The following PCDHA2 variants were observed in gnomAD, a reference collection of about 807,000 sequenced individuals.
PCDHA2 encodes protocadherin alpha-2.
A neutral mutation model predicts 66.0 loss-of-function variants in PCDHA2; 58 were observed. The observed-to-expected ratio is 0.88, with a 90% CI of 0.71 to 1.09. The LOEUF is 1.09. PCDHA2 is among the 50% of genes least tolerant of loss of function. The pLI is 0.00. For synonymous variants in PCDHA2, 634 were observed against 554.0 expected (o/e 1.14, Z -2.03); for missense variants, 1,267 against 1,242.3 (o/e 1.02, Z -0.30).
At position 140,796,758 on chromosome 5, in the gene PCDHA2, C is replaced by G; in HGVS notation, c.1794C>G (p.Asp598Glu). ...GHVVAKVRAVDADSGYNAWLS... is the reference protein window; with the variant it reads ...GHVVAKVRAVEADSGYNAWLS... ...TGGTGGCGAAGGTGCGCGCAGTGGACGCTGACTCAGGCTACAACGCGTGGC... is the reference window on the plus strand; with the variant it reads ...TGGTGGCGAAGGTGCGCGCAGTGGAGGCTGACTCAGGCTACAACGCGTGGC... The change falls in exon 1 of 4, where the codon GAC (aspartate) becomes GAG (glutamate). Residue 598 changes from aspartate (D) to glutamate (E), a missense_variant. Asp to Glu is a conservative substitution (Grantham distance 45). Coordinates refer to ENST00000526136, the MANE Select transcript of PCDHA2 (RefSeq NM_018905.3). The G allele has an allele frequency of 6.2e-7, 1 of 1,614,136 alleles. No homozygotes were observed. The highest frequency in any genetic ancestry group is 8.5e-7 in the Non-Finnish European group (1 of 1,179,970).
chr5:141,002,047 C>A (rs1449885583), intron 3 of PCDHA2, among the ~76,000 whole-genome samples: 2 of 152,202 alleles, frequency 1.3e-5, no homozygotes, highest in Non-Finnish European at 2.9e-5. Flanking sequence ...TCCTGGGCAT[C>A]CAGAGGCAGC....
rs2150353196 is a variant in PCDHA2 at position 140,843,120 on chromosome 5, A to G, written c.2388+45768A>G. The G allele has an allele frequency of 2.5e-6, 4 of 1,595,472 alleles. 1 individual carries two copies. Among genetic ancestry groups the G allele is most frequent in the Non-Finnish European group, 3.4e-6 (4 of 1,165,480 alleles). Reference sequence around the variant, plus strand: ...GCGAAGGTGCGCGCAGTGGACGCCGACTCGGGCTACAACGCGTGGCTTTCG... The same window carrying G: ...GCGAAGGTGCGCGCAGTGGACGCCGGCTCGGGCTACAACGCGTGGCTTTCG... On this transcript the variant is annotated intron_variant, in intron 1 of 3. Coordinates refer to ENST00000526136, the MANE Select transcript of PCDHA2 (RefSeq NM_018905.3).
At position 140,841,506 on chromosome 5, in the gene PCDHA2, G is replaced by C. The variant is rs2150316870; in HGVS notation, c.2388+44154G>C. ...CTGGAGCTGGCGGAGCTGGTGCCGC[G>C]CCTGTTCCGGGTGGCGTCCAAAAGA... On this transcript the variant is annotated intron_variant, in intron 1 of 3. Coordinates refer to ENST00000526136, the MANE Select transcript of PCDHA2 (RefSeq NM_018905.3). 4 of 1,613,388 alleles carry C rather than the reference G, an allele frequency of 2.5e-6. No homozygotes were observed. Among genetic ancestry groups the C allele is most frequent in the Admixed American group, 1.7e-5 (1 of 60,006 alleles).
chr5:140,925,048 C>A (rs574148178), intron 1 of PCDHA2, among the ~76,000 whole-genome samples: 1 of 150,658 alleles, frequency 6.6e-6, no homozygotes, highest in South Asian at 2.1e-4. Flanking sequence ...AAGTTTGAGA[C>A]CAGACTGGGC....
chr5:140,925,640 G>GAA (rs1554202829), intron 1 of PCDHA2, among the ~76,000 whole-genome samples: 1 of 75,086 alleles, frequency 1.3e-5, no homozygotes, highest in Non-Finnish European at 2.8e-5. Context: ...AGAACTTAAA[G>GAA]TATAATAATA....
chr5:140,818,904 A>G (rs1411699157), intron 1 of PCDHA2, among the ~76,000 whole-genome samples: 1 of 152,222 alleles, frequency 6.6e-6, no homozygotes, highest in Non-Finnish European at 1.5e-5. Flanking sequence ...ATTTAGCTTC[A>G]TTGTCCCTTT....
At position 140,915,045 on chromosome 5, in the gene PCDHA2, A is replaced by G. The variant is rs989835419; in HGVS notation, c.2389-63904A>G. 2.0e-5 allele frequency among the ~76,000 whole-genome samples: 3 copies of G among 151,216 alleles called. No homozygotes were observed. In the East Asian group the frequency reaches 5.8e-4, roughly 29 times the overall value. On this transcript the variant is annotated intron_variant, in intron 1 of 3. Transcript: ENST00000526136. ...ACTGCAACTTCTGCCTCCTGGGTTC[A>G]AGCGATTCTCCTGCCTTAGCCTACT...
chr5:141,010,096 A>G lies in PCDHA2; in HGVS notation c.*159A>G. The G allele has an allele frequency of 6.2e-7, 1 of 1,612,840 alleles. No individual in the cohort carries two copies. Among genetic ancestry groups the G allele is most frequent in the Non-Finnish European group, 8.5e-7 (1 of 1,179,378 alleles). ...CCTGTGTCTGTCTAGAACGCATTTA[A>G]CAGGTTTTGTCGTAAAAGCTTTACT... On this transcript the variant is annotated 3_prime_UTR_variant, in exon 4 of 4. Transcript: ENST00000526136.
chr5:140,916,747 G>A (rs1445361224), intron 1 of PCDHA2, among the ~76,000 whole-genome samples: 1 of 152,220 alleles, frequency 6.6e-6, no homozygotes, highest in Non-Finnish European at 1.5e-5. Context: ...TTCACTGCCT[G>A]GGATTAGGGG....
intron 1 of PCDHA2, among the ~76,000 whole-genome samples, chr5:140,978,103 A>G (rs2096789005): frequency 6.6e-6 from 1 of 152,106 alleles, no homozygotes; most frequent in South Asian, 2.1e-4. Flanking sequence ...AACTCCCCCA[A>G]CAGTCTTTAA....
chr5:140,954,209 T>C (rs2094996699), intron 1 of PCDHA2, among the ~76,000 whole-genome samples: 1 of 152,218 alleles, frequency 6.6e-6, no homozygotes, highest in Non-Finnish European at 1.5e-5. Context: ...GTTGATCCCA[T>C]GTTTTTGCTA....
At chr5:140,834,093 G>A (rs1772786951) in intron 1 of PCDHA2, among the ~76,000 whole-genome samples, 1 of 152,132 alleles carries the variant, frequency 6.6e-6, no homozygotes, top group Non-Finnish European at 1.5e-5. Flanking sequence ...TAACAACAAT[G>A]AAGAAAAAAA....
chr5:140,857,873 G>C, intron 1 of PCDHA2: 1 of 1,597,876 alleles, frequency 6.3e-7, no homozygotes, highest in Non-Finnish European at 8.6e-7. Flanking sequence ...GCTGTCGTAT[G>C]AATTGCAGTC....
At chr5:140,945,760 G>T (rs2093839081) in intron 1 of PCDHA2, among the ~76,000 whole-genome samples, 2 of 152,154 alleles carry the variant, frequency 1.3e-5, no homozygotes, top group East Asian at 1.9e-4. Flanking sequence ...AAATGGTGGT[G>T]GGACAATTTG....
Position 140,842,803 on chromosome 5 carries a change from T to G in PCDHA2, c.2388+45451T>G, listed in dbSNP as rs141140865. 5,439 of 1,594,064 alleles carry G rather than the reference T, an allele frequency of 3.4e-3. 534 individuals carry two copies. In the African/African-American group the frequency reaches 0.06, roughly 17 times the overall value. On this transcript the variant is annotated intron_variant, in intron 1 of 3. Transcript: ENST00000526136. Reference sequence around the variant, plus strand: ...AGAACGCGCTGGTGTCCTACTCGCTTGTGGAGCGGCGGGTGGGCGAGCGCT... The same window carrying G: ...AGAACGCGCTGGTGTCCTACTCGCTGGTGGAGCGGCGGGTGGGCGAGCGCT...
chr5:140,842,929 C>T lies in PCDHA2; in HGVS notation c.2388+45577C>T, dbSNP rs2150347942. On this transcript the variant is annotated intron_variant, in intron 1 of 3. Coordinates refer to ENST00000526136, the MANE Select transcript of PCDHA2 (RefSeq NM_018905.3). ...TAGAGCTGCTGCAGTTCCAGGTGAG[C>T]GCGCGCGACGCGGGCGTGCCGCCTC... 1.0e-5 allele frequency: 16 copies of T among 1,594,270 alleles called. 1 individual carries two copies. Among genetic ancestry groups the T allele is most frequent in the African/African-American group, 8.1e-5 (6 of 74,356 alleles).
intron 1 of PCDHA2, among the ~76,000 whole-genome samples, chr5:140,890,386 A>G (rs905205351): frequency 6.6e-6 from 1 of 152,202 alleles, no homozygotes; most frequent in Admixed American, 6.5e-5. Flanking sequence ...TCTTTCTTAG[A>G]TAATCTATAA....
chr5:140,926,990 G>T (rs2083733718), intron 1 of PCDHA2: 1 of 1,611,558 alleles, frequency 6.2e-7, no homozygotes, highest in Admixed American at 1.7e-5. Flanking sequence ...ACGGAGCGGG[G>T]CGTAGCCGTA....
intron 1 of PCDHA2, among the ~76,000 whole-genome samples, chr5:140,893,651 A>G (rs1422431076): frequency 6.6e-6 from 1 of 152,106 alleles, no homozygotes; most frequent in Non-Finnish European, 1.5e-5. Context: ...TTTGGCTGAT[A>G]GTTTTAAAAA....
Sources: gnomAD v4.1 joint callset for allele counts (sites outside exome capture counted in the v4.1 genomes callset) on GRCh38, gnomAD v4.1.1 for gene constraint, MANE v1.5 for transcripts, NCBI Gene and HGNC (gene_info 2026-07-23, HGNC 2026-07-21) for gene names.